The following IQCB1 variants were observed in gnomAD, a reference collection of about 807,000 sequenced individuals.
IQCB1 encodes the protein IQ motif containing B1.
A neutral mutation model predicts 84.4 loss-of-function variants in IQCB1; 56 were observed. The ratio of observed to expected loss-of-function variants is 0.66; its 90% CI spans 0.54 to 0.83. The LOEUF is 0.83. IQCB1 is among the 40% of genes least tolerant of loss of function. The pLI, the probability that IQCB1 is intolerant of heterozygous loss-of-function variation, is 0.00. For synonymous variants in IQCB1, 210 were observed against 234.8 expected (o/e 0.89, Z 0.96); for missense variants, 629 against 682.1 (o/e 0.92, Z 0.87).
rs1024778127 is a variant in IQCB1, at chr3:121,789,714, G to A, written c.1129+359C>T. ...AAGATGTCACAACATTTGTACTAAG[G>A]AATGAGTTAAACTCTGATGGCAGAA... On this transcript the variant is annotated intron_variant, in intron 11 of 14. Coordinates refer to ENST00000310864, the MANE Select transcript of IQCB1 (RefSeq NM_001023570.4). Among the ~76,000 whole-genome samples the A allele has an allele frequency of 3.3e-5, 5 of 152,272 alleles. No individual in the cohort carries two copies. In the South Asian group the frequency reaches 8.3e-4, roughly 25 times the overall value.
In IQCB1 at chr3:121,770,374, A is replaced by C. The variant is rs1430516653; in HGVS notation, c.1768T>G (p.Leu590Val). The C allele has an allele frequency of 1.9e-6, 3 of 1,613,458 alleles. No individual in the cohort carries two copies. The African/African-American group carries it at 4.0e-5, about 22-fold the overall frequency. ...GGTGGTTTGGTTCCACCAATGAATAAATTTTCTAATTCTATACTAAGCTCA... is the reference window on the plus strand; with the variant it reads ...GGTGGTTTGGTTCCACCAATGAATACATTTTCTAATTCTATACTAAGCTCA... ...KDELSIELEN[L>V]FIGGTKPP Residue 590 changes from leucine to valine, a missense_variant, in exon 15 of 15, where the codon TTA becomes GTA. Physicochemically the swap from Leu to Val is conservative, Grantham distance 32 (BLOSUM62 1). Transcript: ENST00000310864.
chr3:121,802,344 C>G (rs977220001), intron 7 of IQCB1, among the ~76,000 whole-genome samples: 2 of 151,946 alleles, frequency 1.3e-5, no homozygotes, highest in African/African-American at 4.8e-5. Flanking sequence ...TTCTCTATTG[C>G]TCCTTGAGTA....
chr3:121,788,155 A>G, intron 12 of IQCB1, 129 bp downstream of exon 12: 1 of 926,826 alleles, frequency 1.1e-6, no homozygotes, highest in South Asian at 1.4e-5. Flanking sequence ...CTTTTACAAA[A>G]GAAAAAACTA....
At chr3:121,797,615 T>A (rs1473817846) in intron 8 of IQCB1, among the ~76,000 whole-genome samples, 1 of 152,058 alleles carries the variant, frequency 6.6e-6, no homozygotes, top group Non-Finnish European at 1.5e-5. Flanking sequence ...CAGACACATA[T>A]TCAGTAAATG....
At chr3:121,819,033 A>G (rs182609746) in intron 5 of IQCB1, among the ~76,000 whole-genome samples, 6 of 152,296 alleles carry the variant, frequency 3.9e-5, no homozygotes, top group African/African-American at 1.4e-4. Flanking sequence ...GACCGGTTTC[A>G]TGGAAGATAA....
chr3:121,788,498 G>T, intron 11 of IQCB1, 66 bp from the exon 12 acceptor site: 1 of 1,367,918 alleles, frequency 7.3e-7, no homozygotes, highest in Non-Finnish European at 1.0e-6. Context: ...CTGGAATCAG[G>T]ACAATGATAA....
At chr3:121,831,349 T>C (rs531570907) in intron 2 of IQCB1, among the ~76,000 whole-genome samples, 1 of 152,190 alleles carries the variant, frequency 6.6e-6, no homozygotes, top group East Asian at 1.9e-4. Context: ...ATTTTTTGTA[T>C]TTTTAGTAGA....
chr3:121,813,112 A>G (rs1208732517), intron 5 of IQCB1, among the ~76,000 whole-genome samples: 3 of 151,712 alleles, frequency 2.0e-5, no homozygotes, highest in Non-Finnish European at 4.4e-5. Flanking sequence ...GGGGGCCAAT[A>G]ATCTACACTC....
chr3:121,816,953 T>C (rs1167891345), intron 5 of IQCB1, among the ~76,000 whole-genome samples: 1 of 152,192 alleles, frequency 6.6e-6, no homozygotes, highest in Non-Finnish European at 1.5e-5. Flanking sequence ...TAAAGACACA[T>C]GCACACGTAT....
chr3:121,824,329 C>T (rs575260201), intron 5 of IQCB1, among the ~76,000 whole-genome samples: 2 of 152,184 alleles, frequency 1.3e-5, no homozygotes, highest in South Asian at 4.2e-4. Context: ...TGCTTCACAT[C>T]CTGGGAAGGA....
intron 5 of IQCB1, among the ~76,000 whole-genome samples, chr3:121,812,170 C>T (rs762842990): frequency 6.6e-6 from 1 of 152,180 alleles, no homozygotes; most frequent in Non-Finnish European, 1.5e-5. Flanking sequence ...TCCAGCAGAC[C>T]TGCAGAAGAG....
rs373763925 is a variant in IQCB1 at position 121,824,719 on chromosome 3, A to G, written c.393+1332T>C. Among the ~76,000 whole-genome samples the G allele has an allele frequency of 4.6e-5, 7 of 152,188 alleles. No individual in the cohort carries two copies. In the East Asian group the frequency reaches 9.6e-4, roughly 21 times the overall value. ...ATCTAATCACAGAGCTTTGTAATAC[A>G]TGAAGCAAAAACATATAGAACTAAA... On this transcript the variant is annotated intron_variant, in intron 5 of 14. Transcript: ENST00000310864.
rs755433917 is a variant in IQCB1 at position 121,770,298 on chromosome 3, A to G, written c.*47T>C. ...CCAGCATGCCAGAGGCAGAACCAAT[A>G]TAATCTCCTAAAATATGAGATTTGT... On this transcript the variant is annotated 3_prime_UTR_variant, in exon 15 of 15. Transcript: ENST00000310864. The G allele has an allele frequency of 2.3e-6, 3 of 1,312,248 alleles. No homozygotes were observed. In the East Asian group the frequency reaches 6.9e-5, roughly 30 times the overall value. The allele number at this position is 1,312,248 out of a possible 1,614,324, so 81.3% of individuals were successfully genotyped here. A position where few individuals can be genotyped will look rare whatever the true frequency, so the allele number is the denominator to read the frequency against.
At chr3:121,781,927 C>T (rs1200993488) in intron 12 of IQCB1, 53 bp from the exon 13 acceptor site, 8 of 1,567,374 alleles carry the variant, frequency 5.1e-6, no homozygotes, top group Admixed American at 5.0e-5. Context: ...ACTAATAGAA[C>T]TATTTTCTCA....
chr3:121,787,199 A>AC (rs1219426278), intron 12 of IQCB1, among the ~76,000 whole-genome samples: 2 of 151,774 alleles, frequency 1.3e-5, no homozygotes, highest in Non-Finnish European at 2.9e-5. Flanking sequence ...TAAAAAAAAA[A>AC]AACTTTGTAA....
At chr3:121,829,684 C>T (rs900898460) in intron 2 of IQCB1, among the ~76,000 whole-genome samples, 3 of 152,202 alleles carry the variant, frequency 2.0e-5, no homozygotes, top group Middle Eastern at 3.2e-3. Flanking sequence ...TAAGCATATC[C>T]TACGTAACTC....
chr3:121,820,902 G>T (rs1950248715), intron 5 of IQCB1, among the ~76,000 whole-genome samples: 1 of 147,356 alleles, frequency 6.8e-6, no homozygotes, highest in African/African-American at 2.5e-5. Flanking sequence ...GCTCTCTCCA[G>T]CATACTCTTA....
chr3:121,792,710 C>CTAAATTGTAA (rs1323882583), intron 10 of IQCB1, among the ~76,000 whole-genome samples: 2 of 148,588 alleles, frequency 1.3e-5, no homozygotes, highest in African/African-American at 2.5e-5. Flanking sequence ...TAAATAGGGA[C>CTAAATTGTAA]TAAATTGTAA....
chr3:121,781,970 A>C, intron 12 of IQCB1, 96 bp from the exon 13 acceptor site: 3 of 1,205,120 alleles, frequency 2.5e-6, no homozygotes, highest in Non-Finnish European at 3.6e-6. Flanking sequence ...CATTGCAATA[A>C]TGATTAACTC....
Sources: allele counts gnomAD v4.1 joint callset (sites outside exome capture counted in the v4.1 genomes callset), GRCh38; gene constraint gnomAD v4.1.1; transcripts MANE v1.5; gene names NCBI Gene and HGNC (gene_info 2026-07-23, HGNC 2026-07-21).